Variants in RARB observed in about 807,000 individuals in gnomAD.
RARB encodes HBV-activated protein.
RARB carries 17 observed loss-of-function variants against 51.9 expected under a neutral mutation model. The observed-to-expected ratio is 0.33, with a 90% confidence interval of 0.22 to 0.49. The LOEUF is 0.49. Among genes scored for constraint, RARB ranks in the 20% least tolerant of loss-of-function variants. RARB has a pLI of 0.99. For synonymous variants in RARB, 215 were observed against 195.4 expected (o/e 1.10, Z -0.84); for missense variants, 369 against 550.8 (o/e 0.67, Z 3.30).
At chr3:24,908,104 G>C (rs1399962179) in intron 2 of RARB, among the ~76,000 whole-genome samples, 4 of 152,090 alleles carry the variant, frequency 2.6e-5, no homozygotes, top group African/African-American at 9.7e-5. Flanking sequence ...GCTGTACCAA[G>C]CATTATATCT....
In RARB at chr3:25,365,902, C is replaced by G. The variant is rs182796034; in HGVS notation, c.179-95291C>G. On this transcript the variant is annotated intron_variant, in intron 5 of 11. Transcript: ENST00000383772. ...TCACATGGCAACATTTCTGCCATAC[C>G]ACAGTAGTCACAACTGTGCCTCCAT... is the stretch of plus-strand genomic sequence containing the variant. 2.7e-3 allele frequency among the ~76,000 whole-genome samples: 404 copies of G among 152,310 alleles called. 3 individuals carry two copies. Among genetic ancestry groups the G allele is most frequent in the Non-Finnish European group, 3.5e-3 (238 of 68,032 alleles).
At chr3:25,591,778 T>C (rs1416853354) in intron 5 of RARB, among the ~76,000 whole-genome samples, 1 of 152,224 alleles carries the variant, frequency 6.6e-6, no homozygotes, top group Non-Finnish European at 1.5e-5. Flanking sequence ...TTTAAAAATA[T>C]ATACAACAGA....
chr3:25,147,255 C>T (rs1700208410), intron 4 of RARB, among the ~76,000 whole-genome samples: 1 of 152,088 alleles, frequency 6.6e-6, no homozygotes, highest in Non-Finnish European at 1.5e-5. Flanking sequence ...AACTTGTCCT[C>T]TCTTCCCCAT....
intron 5 of RARB, among the ~76,000 whole-genome samples, chr3:25,262,084 C>T (rs1703012254): frequency 1.3e-5 from 2 of 152,158 alleles, no homozygotes; most frequent in African/African-American, 2.4e-5. Flanking sequence ...GACCAGACTC[C>T]CTACTATGGG....
intron 5 of RARB, among the ~76,000 whole-genome samples, chr3:25,368,131 A>G (rs532169283): frequency 5.6e-4 from 85 of 152,298 alleles, no homozygotes; most frequent in African/African-American, 1.9e-3. Flanking sequence ...CTTTTATGAA[A>G]TGATAATGGC....
chr3:25,120,868 C>T (rs913980650), intron 3 of RARB, among the ~76,000 whole-genome samples: 5 of 152,084 alleles, frequency 3.3e-5, no homozygotes, highest in African/African-American at 7.2e-5. Flanking sequence ...AAGCCACACC[C>T]GTCATTGACA....
intron 2 of RARB, among the ~76,000 whole-genome samples, chr3:24,941,731 C>G (rs1307295757): frequency 2.0e-5 from 3 of 152,144 alleles, no homozygotes; most frequent in Non-Finnish European, 4.4e-5. Flanking sequence ...TTATCTTTGC[C>G]TCATTTTTCT....
intron 5 of RARB, among the ~76,000 whole-genome samples, chr3:25,366,626 T>A (rs1454781904): frequency 1.3e-5 from 2 of 152,194 alleles, no homozygotes; most frequent in Non-Finnish European, 2.9e-5. Flanking sequence ...AGCTCATGGT[T>A]CCTAAATACT....
At chr3:25,012,380 G>C (rs1008819272) in intron 2 of RARB, among the ~76,000 whole-genome samples, 9 of 152,080 alleles carry the variant, frequency 5.9e-5, no homozygotes, top group African/African-American at 2.2e-4. Flanking sequence ...CAGATGTTTT[G>C]ATTCAGAAGG....
chr3:25,537,871 C>A (rs1270041542), intron 3 of RARB, among the ~76,000 whole-genome samples: 78 of 152,164 alleles, frequency 5.1e-4, no homozygotes, highest in Non-Finnish European at 1.8e-4. Flanking sequence ...ACCCCAAAAT[C>A]TTAGCCTGCC....
chr3:25,480,902 A>G (rs999487959), intron 2 of RARB, among the ~76,000 whole-genome samples: 1 of 152,116 alleles, frequency 6.6e-6, no homozygotes, highest in Admixed American at 6.6e-5. Context: ...TGGCTTGTCA[A>G]AGGATCGATT....
At chr3:25,082,069 G>A (rs776109982) in intron 3 of RARB, among the ~76,000 whole-genome samples, 1 of 151,950 alleles carries the variant, frequency 6.6e-6, no homozygotes, top group Non-Finnish European at 1.5e-5. Context: ...CATTTATATA[G>A]CCACTTCAGC....
At chr3:24,896,528 G>C (rs895963801) in intron 2 of RARB, among the ~76,000 whole-genome samples, 1 of 152,096 alleles carries the variant, frequency 6.6e-6, no homozygotes, top group African/African-American at 2.4e-5. Flanking sequence ...CAAAGTGCTG[G>C]GATTACAGGT....
intron 3 of RARB, among the ~76,000 whole-genome samples, chr3:25,079,481 T>G (rs1485261608): frequency 2.6e-5 from 4 of 152,196 alleles, no homozygotes; most frequent in Non-Finnish European, 5.9e-5. Context: ...CATTTACCCT[T>G]AAGTATTATA....
chr3:25,418,917 G>A (rs1274922940), intron 5 of RARB, among the ~76,000 whole-genome samples: 8 of 147,946 alleles, frequency 5.4e-5, no homozygotes, highest in African/African-American at 1.2e-4. Context: ...TCATGGCTGA[G>A]GCCACAATAA....
intron 5 of RARB, among the ~76,000 whole-genome samples, chr3:25,399,118 T>A (rs1003771948): frequency 2.6e-4 from 40 of 152,196 alleles, no homozygotes; most frequent in African/African-American, 9.6e-4. Flanking sequence ...TACATAGACC[T>A]GATCCAGGAG....
At chr3:24,888,521 C>T (rs529813383) in intron 2 of RARB, among the ~76,000 whole-genome samples, 84 of 151,794 alleles carry the variant, frequency 5.5e-4, no homozygotes, top group African/African-American at 1.9e-3. Flanking sequence ...AGCTAAGACC[C>T]TATAATCAGC....
chr3:25,218,340 G>T (rs993694153), intron 5 of RARB, among the ~76,000 whole-genome samples: 2 of 152,010 alleles, frequency 1.3e-5, no homozygotes, highest in Admixed American at 1.3e-4. Context: ...CGCCCCCTAG[G>T]TTACTTTTTT....
At chr3:25,413,240 T>G (rs747004503) in intron 5 of RARB, among the ~76,000 whole-genome samples, 18 of 150,398 alleles carry the variant, frequency 1.2e-4, no homozygotes, top group Middle Eastern at 7.0e-3. Context: ...ACTTTTTGTG[T>G]ATTTTTGTCT....
Sources: gnomAD v4.1 joint callset for allele counts (sites outside exome capture counted in the v4.1 genomes callset) on GRCh38, gnomAD v4.1.1 for gene constraint, MANE v1.5 for transcripts, NCBI Gene and HGNC (gene_info 2026-07-23, HGNC 2026-07-21) for gene names.